SCAPER: variants seen among roughly 807,000 people sequenced by gnomAD.
The protein encoded by SCAPER is S-phase cyclin A associated protein in the ER.
Under a neutral mutation model 182.2 loss-of-function variants are expected in SCAPER, and 98 were observed. The ratio of observed to expected loss-of-function variants is 0.54; its 90% CI spans 0.46 to 0.64. The LOEUF is 0.64. Among genes scored for constraint, SCAPER ranks in the 30% least tolerant of loss-of-function variants. SCAPER has a pLI of 0.00. For missense variants in SCAPER, 1,432 were observed against 1,690.0 expected, an observed-to-expected ratio of 0.85 and a Z score of 2.68; for synonymous variants, 605 against 564.6, an observed-to-expected ratio of 1.07 and a Z score of -1.01.
Position 76,381,364 on chromosome 15 carries a change from C to A in SCAPER, c.3705+14G>T. The stretch of plus-strand genomic sequence containing the variant: ...CTTGATTGGTTAACATCGATATAAA[C>A]CAATACTTGGTACCTGAAAAGCAGG... On this transcript the variant is annotated intron_variant, in intron 28 of 31. Transcript: ENST00000563290. 1 of 1,602,296 alleles carries A rather than the reference C, an allele frequency of 6.2e-7. No individual in the cohort carries two copies. Among genetic ancestry groups the A allele is most frequent in the South Asian group, 1.1e-5 (1 of 89,382 alleles).
At chr15:76,653,085 G>A (rs993937621) in intron 21 of SCAPER, among the ~76,000 whole-genome samples, 3 of 152,030 alleles carry the variant, frequency 2.0e-5, no homozygotes, top group African/African-American at 7.2e-5. Context: ...TCTAGGCTGA[G>A]CGTAAAATCA....
chr15:76,862,611 C>G (rs2071966415), intron 2 of SCAPER, 78 bp from the exon 3 acceptor site: 2 of 934,748 alleles, frequency 2.1e-6, no homozygotes, highest in Non-Finnish European at 3.1e-6. Context: ...TTATTTCTCA[C>G]ATTTTTCTCA....
Position 76,593,239 on chromosome 15 carries a change from G to A in SCAPER, c.2712-18955C>T, listed in dbSNP as rs1329382026. ...AGCTGGGTGGAGGCATCATAGCTCC[G>A]CAAAGCTGCTATAGCCAGACTGCCT... On this transcript the variant is annotated intron_variant, in intron 22 of 31. Coordinates refer to ENST00000563290, the MANE Select transcript of SCAPER (RefSeq NM_020843.4). Among the ~76,000 whole-genome samples, 6 of 121,138 alleles carry A rather than the reference G, an allele frequency of 5.0e-5. 1 individual carries two copies. The highest frequency in any genetic ancestry group is 1.0e-4 in the African/African-American group (4 of 39,622). The allele number at this position is 121,138 out of a possible 152,430, so 79.5% of individuals were successfully genotyped here.
intron 2 of SCAPER, among the ~76,000 whole-genome samples, chr15:76,876,438 C>CAAAAAAA (rs33959211): frequency 8.1e-6 from 1 of 122,754 alleles, no homozygotes. Context: ...AAAACAAAAG[C>CAAAAAAA]AAAAAAAAAA....
At chr15:76,557,256 C>T (rs1255317349) in intron 23 of SCAPER, among the ~76,000 whole-genome samples, 2 of 152,104 alleles carry the variant, frequency 1.3e-5, no homozygotes, top group African/African-American at 4.8e-5. Context: ...AAAAAAAAAT[C>T]TATTTTAAAA....
Position 76,759,602 on chromosome 15 carries a change from C to G in SCAPER, c.1725+5359G>C, listed in dbSNP as rs553243185. Among the ~76,000 whole-genome samples the G allele has an allele frequency of 2.6e-5, 4 of 152,238 alleles. No individual in the cohort carries two copies. In the East Asian group the frequency reaches 7.7e-4, roughly 29 times the overall value. ...GTCTTGGAAGGAATAAACATTAAAA[C>G]AACAGCATTGGCCTATATTGTGTGG... On this transcript the variant is annotated intron_variant, in intron 14 of 31. Coordinates refer to ENST00000563290, the MANE Select transcript of SCAPER (RefSeq NM_020843.4).
At chr15:76,433,969 G>T in intron 26 of SCAPER, 109 bp downstream of exon 26, 1 of 851,638 alleles carries the variant, frequency 1.2e-6, no homozygotes, top group Non-Finnish European at 1.8e-6. Context: ...CCAGGAATGT[G>T]TGAATGGCAT....
At chr15:76,850,600 C>T (rs889634089) in intron 4 of SCAPER, among the ~76,000 whole-genome samples, 8 of 152,068 alleles carry the variant, frequency 5.3e-5, no homozygotes, top group South Asian at 2.1e-4. Flanking sequence ...ATGAATAGGG[C>T]CTGTAATCCC....
chr15:76,777,767 T>TA (rs2063833746), intron 8 of SCAPER, among the ~76,000 whole-genome samples: 1 of 152,144 alleles, frequency 6.6e-6, no homozygotes, highest in South Asian at 2.1e-4. Context: ...TTGCAATGGT[T>TA]AAAAATGGAG....
At chr15:76,710,717 T>C (rs1021663969) in intron 17 of SCAPER, among the ~76,000 whole-genome samples, 1 of 152,142 alleles carries the variant, frequency 6.6e-6, no homozygotes, top group Admixed American at 6.5e-5. Flanking sequence ...ACCTATAGAT[T>C]CAATGCACTT....
intron 29 of SCAPER, among the ~76,000 whole-genome samples, chr15:76,372,238 G>T (rs2042233895): frequency 6.6e-6 from 1 of 152,120 alleles, no homozygotes; most frequent in Non-Finnish European, 1.5e-5. Flanking sequence ...CTCTCACCAA[G>T]GATCTTCAAA....
chr15:76,408,805 G>C (rs1431938449), intron 26 of SCAPER, among the ~76,000 whole-genome samples: 1 of 151,768 alleles, frequency 6.6e-6, no homozygotes, highest in African/African-American at 2.4e-5. Flanking sequence ...GCATTTTTTG[G>C]GTCCTTACTG....
intron 22 of SCAPER, among the ~76,000 whole-genome samples, chr15:76,618,992 AC>A (rs1172059231): frequency 1.3e-5 from 2 of 152,212 alleles, no homozygotes; most frequent in Non-Finnish European, 2.9e-5. Flanking sequence ...TTACAGGTGC[AC>A]ACCACTATGC....
chr15:76,356,856 G>A (rs939173198), intron 29 of SCAPER, among the ~76,000 whole-genome samples: 8 of 152,190 alleles, frequency 5.3e-5, no homozygotes, highest in African/African-American at 1.9e-4. Flanking sequence ...CAAGTAGGGA[G>A]CATGCATGGC....
chr15:76,484,038 C>A (rs148868879), intron 24 of SCAPER, among the ~76,000 whole-genome samples: 1 of 152,078 alleles, frequency 6.6e-6, no homozygotes, highest in African/African-American at 2.4e-5. Flanking sequence ...AAAGACTGCA[C>A]GAGTATTCAC....
intron 1 of SCAPER, among the ~76,000 whole-genome samples, chr15:76,888,308 C>CAA (rs1283783202): frequency 7.2e-5 from 11 of 152,312 alleles, no homozygotes; most frequent in African/African-American, 2.6e-4. Context: ...AGCAACAGAA[C>CAA]AAAGCTGGAT....
At chr15:76,893,222 C>T (rs904686184) in intron 1 of SCAPER, among the ~76,000 whole-genome samples, 4 of 152,000 alleles carry the variant, frequency 2.6e-5, no homozygotes, top group Middle Eastern at 3.2e-3. Context: ...AAATACCTAA[C>T]GTAAATGACA....
chr15:76,648,189 T>TA (rs3063684), intron 21 of SCAPER, among the ~76,000 whole-genome samples: 41,717 of 145,520 alleles, frequency 0.29, 6,276 homozygotes, highest in East Asian at 0.54. Context: ...AATGAAAACA[T>TA]AAAAAAAAAA....
At chr15:76,851,137 G>A (rs1176071959) in intron 4 of SCAPER, among the ~76,000 whole-genome samples, 2 of 152,032 alleles carry the variant, frequency 1.3e-5, no homozygotes, top group African/African-American at 4.8e-5. Flanking sequence ...AAATAAGACT[G>A]ACAAAAATAA....
Sources: gnomAD v4.1 joint callset for allele counts (sites outside exome capture counted in the v4.1 genomes callset) on GRCh38, gnomAD v4.1.1 for gene constraint, MANE v1.5 for transcripts, NCBI Gene and HGNC (gene_info 2026-07-23, HGNC 2026-07-21) for gene names.